The following RAPGEF2 variants were observed in gnomAD, a reference collection of about 807,000 sequenced individuals.
RAPGEF2 encodes the protein PDZ domain containing guanine nucleotide exchange factor (GEF) 1.
A neutral mutation model predicts 186.7 loss-of-function variants in RAPGEF2; 54 were observed. That is an observed-to-expected ratio of 0.29 (90% CI 0.23 to 0.36). The LOEUF (loss-of-function observed/expected upper bound fraction) is 0.36. Ranked by LOEUF, RAPGEF2 falls within the 10% of genes least tolerant of loss-of-function variation. RAPGEF2 has a pLI of 1.00. For missense variants in RAPGEF2, 1,532 were observed against 2,045.0 expected, an observed-to-expected ratio of 0.75 and a Z score of 4.84; for synonymous variants, 712 against 705.9, an observed-to-expected ratio of 1.01 and a Z score of -0.14.
chr4:159,189,150 T>G lies in RAPGEF2; in HGVS notation c.140+2438T>G, dbSNP rs138294369. On this transcript the variant is annotated intron_variant, in intron 2 of 29. Coordinates refer to ENST00000691494, the MANE Select transcript of RAPGEF2 (RefSeq NM_001394067.2). ...AGAGCAGTCAGTTAAGACTTCCACA[T>G]GACACAGTTTTACAATTTTAGGAAA... 7.7e-3 allele frequency among the ~76,000 whole-genome samples: 1,177 copies of G among 152,350 alleles called. 8 individuals carry two copies. Among genetic ancestry groups the G allele is most frequent in the Middle Eastern group, 0.027 (8 of 294 alleles).
At chr4:159,139,245 C>G (rs931078470) in intron 1 of RAPGEF2, among the ~76,000 whole-genome samples, 1 of 152,080 alleles carries the variant, frequency 6.6e-6, no homozygotes, top group African/African-American at 2.4e-5. Flanking sequence ...AGAATTCATA[C>G]AATAGCATGG....
At chr4:159,192,387 T>C (rs2111312676) in intron 2 of RAPGEF2, among the ~76,000 whole-genome samples, 1 of 152,320 alleles carries the variant, frequency 6.6e-6, no homozygotes, top group South Asian at 2.1e-4. Flanking sequence ...TTCTAGTGTT[T>C]CACAGGTTGG....
intron 18 of RAPGEF2, 126 bp downstream of exon 18, chr4:159,338,594 C>A: frequency 1.9e-6 from 2 of 1,037,558 alleles, no homozygotes; most frequent in Non-Finnish European, 2.7e-6. Flanking sequence ...AAGGATGAAA[C>A]TTAAACTTTA....
intron 27 of RAPGEF2, 21 bp downstream of exon 27, chr4:159,352,931 T>C: frequency 6.4e-7 from 1 of 1,563,606 alleles, no homozygotes; most frequent in Non-Finnish European, 8.8e-7. Context: ...CTTTTTAATA[T>C]TCTTCTGAAT....
chr4:159,250,782 G>A lies in RAPGEF2; in HGVS notation c.543+6991G>A, dbSNP rs150384490. ...AGGTGACAACGTGCTAGCAGCCCTC[G>A]CTTGCTCTCGGCGCCTCGGCCTCGG... On this transcript the variant is annotated intron_variant, in intron 7 of 29. Transcript: ENST00000691494. 3.6e-3 allele frequency among the ~76,000 whole-genome samples: 540 copies of A among 150,352 alleles called. 4 individuals are homozygous for A. The highest frequency in any genetic ancestry group is 0.013 in the African/African-American group (513 of 40,572).
At chr4:159,294,634 TCTTCCTTCCTTCCTTCCTTC>T (rs1207452261) in intron 7 of RAPGEF2, among the ~76,000 whole-genome samples, 3,058 of 133,098 alleles carry the variant, frequency 0.023, 115 homozygotes, top group African/African-American at 0.074. Context: ...AGCTTCCATT[TCTTCCTTCCTTCCTTCCTTC>T]CTTCCTTCCT....
Position 159,260,817 on chromosome 4 carries a change from C to T in RAPGEF2, c.543+17026C>T, listed in dbSNP as rs528984127. 2.4e-4 allele frequency among the ~76,000 whole-genome samples: 37 copies of T among 152,136 alleles called. No homozygotes were observed. The South Asian group carries it at 3.3e-3, about 14-fold the overall frequency. On this transcript the variant is annotated intron_variant, in intron 7 of 29. Coordinates refer to ENST00000691494, the MANE Select transcript of RAPGEF2 (RefSeq NM_001394067.2). ...AGGCTGGAGTGCAATGGCGCGATCT[C>T]GGCTCACCACAACCTCCGCCTCCCA...
At chr4:159,295,183 G>A (rs1761785311) in intron 7 of RAPGEF2, among the ~76,000 whole-genome samples, 1 of 152,152 alleles carries the variant, frequency 6.6e-6, no homozygotes, top group Non-Finnish European at 1.5e-5. Context: ...ATTTAAAATA[G>A]ATGAAATACT....
intron 25 of RAPGEF2, among the ~76,000 whole-genome samples, chr4:159,347,480 T>C (rs1054102851): frequency 6.6e-6 from 1 of 152,222 alleles, no homozygotes; most frequent in East Asian, 1.9e-4. Context: ...ACACTTCATC[T>C]TTCCTACTAA....
intron 11 of RAPGEF2, chr4:159,328,349 T>A (rs1168322091): frequency 3.9e-5 from 6 of 152,164 alleles, no homozygotes; most frequent in East Asian, 1.9e-4. Context: ...GCAATATTTT[T>A]AAAAATGTAA....
chr4:159,342,014 G>A, intron 20 of RAPGEF2, 67 bp downstream of exon 20: 1 of 1,411,860 alleles, frequency 7.1e-7, no homozygotes. Context: ...ATCAGTCCAG[G>A]AACATCATAT....
intron 16 of RAPGEF2, among the ~76,000 whole-genome samples, 189 bp downstream of exon 16, chr4:159,332,223 T>C (rs1464307355): frequency 6.6e-6 from 1 of 152,106 alleles, no homozygotes; most frequent in Non-Finnish European, 1.5e-5. Flanking sequence ...AATACTAAAA[T>C]AACCGTAAAG....
At chr4:159,239,726 C>T (rs2111469528) in intron 5 of RAPGEF2, among the ~76,000 whole-genome samples, 1 of 152,248 alleles carries the variant, frequency 6.6e-6, no homozygotes, top group Middle Eastern at 3.4e-3. Flanking sequence ...GGGAGTTTCC[C>T]AGCCTAGACA....
chr4:159,177,869 A>G (rs1004271880), intron 1 of RAPGEF2, among the ~76,000 whole-genome samples: 2 of 152,170 alleles, frequency 1.3e-5, no homozygotes, highest in Non-Finnish European at 2.9e-5. Flanking sequence ...GATAAATTTC[A>G]TTTTTATCTT....
intron 1 of RAPGEF2, among the ~76,000 whole-genome samples, chr4:159,184,347 G>T (rs1392120242): frequency 1.3e-5 from 2 of 152,254 alleles, no homozygotes; most frequent in South Asian, 4.1e-4. Flanking sequence ...AACTAGTTTA[G>T]AGTCCCACCA....
At chr4:159,272,627 G>A (rs1430999858) in intron 7 of RAPGEF2, among the ~76,000 whole-genome samples, 4 of 152,164 alleles carry the variant, frequency 2.6e-5, no homozygotes, top group Non-Finnish European at 5.9e-5. Flanking sequence ...GGGTATGGTT[G>A]GAATTTAAAA....
intron 2 of RAPGEF2, 53 bp from the exon 3 acceptor site, chr4:159,193,147 C>T: frequency 1.8e-6 from 2 of 1,092,968 alleles, no homozygotes; most frequent in Non-Finnish European, 2.5e-6. Flanking sequence ...TTTAAAATAC[C>T]AGTCTGTTTT....
chr4:159,172,479 T>C (rs1002533803), intron 1 of RAPGEF2, among the ~76,000 whole-genome samples: 2 of 152,220 alleles, frequency 1.3e-5, no homozygotes, highest in Non-Finnish European at 2.9e-5. Flanking sequence ...CTTTGCTTCC[T>C]TCTGATTTCT....
Position 159,138,292 on chromosome 4 carries a change from A to G in RAPGEF2, c.69+34061A>G, listed in dbSNP as rs79648628. Among the ~76,000 whole-genome samples the G allele has an allele frequency of 6.1e-3, 927 of 152,342 alleles. 9 individuals are homozygous for G. Among genetic ancestry groups the G allele is most frequent in the African/African-American group, 0.021 (875 of 41,580 alleles). On this transcript the variant is annotated intron_variant, in intron 1 of 29. Transcript: ENST00000691494. The stretch of plus-strand genomic sequence containing the variant: ...ACCTAAAACATCTAAAAGCACTGAT[A>G]TAGACTATTTTTCCTTTTTGATAGA...
Sources: allele counts gnomAD v4.1 joint callset (sites outside exome capture counted in the v4.1 genomes callset), GRCh38; gene constraint gnomAD v4.1.1; transcripts MANE v1.5; gene names NCBI Gene and HGNC (gene_info 2026-07-23, HGNC 2026-07-21).